DPP6: variants seen among roughly 807,000 people sequenced by gnomAD.
DPP6 encodes dipeptidyl peptidase like 6.
Under a neutral mutation model 122.6 loss-of-function variants are expected in DPP6, and 69 were observed. That is an observed-to-expected ratio of 0.56 (90% CI 0.46 to 0.69). DPP6 has a LOEUF of 0.69. DPP6 is among the 30% of genes least tolerant of loss of function. DPP6 has a pLI of 0.00. For missense variants in DPP6, 928 were observed against 1,116.9 expected (o/e 0.83, Z 2.41); for synonymous variants, 418 against 433.1 (o/e 0.97, Z 0.43).
intron 1 of DPP6, among the ~76,000 whole-genome samples, chr7:154,012,690 C>T (rs771470695): frequency 8.5e-5 from 13 of 152,124 alleles, no homozygotes; most frequent in Admixed American, 2.6e-4. Context: ...TTGAACAGTT[C>T]ACAATGGCTG....
chr7:154,122,179 A>G (rs1467088780), intron 1 of DPP6, among the ~76,000 whole-genome samples: 1 of 152,196 alleles, frequency 6.6e-6, no homozygotes, highest in Non-Finnish European at 1.5e-5. Context: ...GGGAGCCCAA[A>G]GTTATGAAAT....
chr7:154,456,476 A>C (rs1307578521), intron 2 of DPP6, among the ~76,000 whole-genome samples: 1 of 152,092 alleles, frequency 6.6e-6, no homozygotes, highest in Non-Finnish European at 1.5e-5. Flanking sequence ...ATGTATGATC[A>C]TTGCAGCCTC....
intron 3 of DPP6, among the ~76,000 whole-genome samples, chr7:154,484,233 C>T (rs1823595948): frequency 6.6e-6 from 1 of 152,172 alleles, no homozygotes; most frequent in Admixed American, 6.5e-5. Flanking sequence ...GCTTTCCACC[C>T]TCTCCTCACC....
At chr7:153,919,618 C>T (rs188888755) in intron 1 of DPP6, among the ~76,000 whole-genome samples, 1 of 152,126 alleles carries the variant, frequency 6.6e-6, no homozygotes, top group African/African-American at 2.4e-5. Context: ...AATACAAACT[C>T]AGGTGGATGA....
rs1168595223 is a variant in DPP6, at chr7:154,061,910, C to A, written c.243+8847C>A. 3.9e-4 allele frequency among the ~76,000 whole-genome samples: 52 copies of A among 132,032 alleles called. 2 individuals carry two copies. Among genetic ancestry groups the A allele is most frequent in the African/African-American group, 1.1e-3 (40 of 35,300 alleles). The allele number at this position is 132,032 out of a possible 152,430, so 86.6% of individuals were successfully genotyped here. ...ACTGAGAGGCAATCCCTCTTCCCCC[C>A]CTGGCTCTGAGGACCCCCATCGCAG... On this transcript the variant is annotated intron_variant, in intron 1 of 25. Coordinates refer to ENST00000377770, the MANE Select transcript of DPP6 (RefSeq NM_130797.4).
At chr7:153,855,445 C>A in the DPP6 span, among the ~76,000 whole-genome samples, 2 of 151,874 alleles carry the variant, frequency 1.3e-5, no homozygotes, top group South Asian at 2.1e-4. Context: ...TAAAATAATC[C>A]ACTGCGTGAA....
At chr7:154,482,613 GA>G (rs1321111676) in intron 3 of DPP6, among the ~76,000 whole-genome samples, 2 of 152,118 alleles carry the variant, frequency 1.3e-5, no homozygotes, top group Non-Finnish European at 2.9e-5. Flanking sequence ...TATTAAGTAG[GA>G]AAATATTCAT....
intron 1 of DPP6, among the ~76,000 whole-genome samples, chr7:154,121,857 T>A (rs1017699092): frequency 6.6e-6 from 1 of 152,012 alleles, no homozygotes. Context: ...ACAAAAATTC[T>A]TTTTTTTCTT....
At chr7:154,412,231 A>G (rs1422695772) in intron 1 of DPP6, among the ~76,000 whole-genome samples, 1 of 152,134 alleles carries the variant, frequency 6.6e-6, no homozygotes, top group Non-Finnish European at 1.5e-5. Flanking sequence ...GTGGGAAACA[A>G]AAACATTTGC....
In DPP6 at chr7:154,077,484, C is replaced by T. The variant is rs1350882990; in HGVS notation, c.243+24421C>T. ...AAAACTGGGATGTGGGGCACCTACACTTCTCACCGTGCAGGATCTCTACCC... is the reference window on the plus strand; with the variant it reads ...AAAACTGGGATGTGGGGCACCTACATTTCTCACCGTGCAGGATCTCTACCC... On this transcript the variant is annotated intron_variant, in intron 1 of 25. Coordinates refer to ENST00000377770, the MANE Select transcript of DPP6 (RefSeq NM_130797.4). Among the ~76,000 whole-genome samples the T allele has an allele frequency of 2.0e-5, 3 of 152,122 alleles. No individual in the cohort carries two copies. The South Asian group carries it at 6.2e-4, about 31-fold the overall frequency.
intron 1 of DPP6, among the ~76,000 whole-genome samples, chr7:153,900,423 A>G (rs1247385303): frequency 1.3e-5 from 2 of 152,170 alleles, no homozygotes; most frequent in Non-Finnish European, 2.9e-5. Flanking sequence ...CAAGCTGTAC[A>G]AGAAGCACAG....
the DPP6 span, among the ~76,000 whole-genome samples, chr7:153,868,500 A>C: frequency 6.6e-6 from 1 of 151,606 alleles, no homozygotes. Context: ...TGGTGATATA[A>C]CCTTTGTCAT....
intron 6 of DPP6, among the ~76,000 whole-genome samples, chr7:154,665,261 T>C (rs899152205): frequency 2.0e-5 from 3 of 152,236 alleles, no homozygotes; most frequent in Non-Finnish European, 4.4e-5. Flanking sequence ...TCCAGTGATG[T>C]TGGCCTTGGT....
intron 1 of DPP6, among the ~76,000 whole-genome samples, chr7:154,152,587 G>T (rs1796478348): frequency 6.6e-6 from 1 of 152,198 alleles, no homozygotes; most frequent in South Asian, 2.1e-4. Context: ...TCCATTTTGG[G>T]ATTAGAACAT....
chr7:154,182,845 T>C (rs1798163033), intron 1 of DPP6, among the ~76,000 whole-genome samples: 1 of 152,102 alleles, frequency 6.6e-6, no homozygotes, highest in South Asian at 2.1e-4. Flanking sequence ...AGGCACTGCT[T>C]TCCCTTGCCC....
chr7:153,768,368 G>T, the DPP6 span, among the ~76,000 whole-genome samples: 7 of 152,042 alleles, frequency 4.6e-5, no homozygotes, highest in Non-Finnish European at 7.4e-5. Context: ...AAGTGCATTT[G>T]TAAGGAGAAC....
intron 8 of DPP6, among the ~76,000 whole-genome samples, chr7:154,763,869 C>G (rs1226864349): frequency 6.6e-6 from 1 of 152,184 alleles, no homozygotes; most frequent in Non-Finnish European, 1.5e-5. Context: ...GCCAAGGAGA[C>G]TTTAAGTCTG....
intron 1 of DPP6, among the ~76,000 whole-genome samples, chr7:154,330,206 A>G (rs1456055531): frequency 6.6e-6 from 1 of 152,244 alleles, no homozygotes; most frequent in East Asian, 1.9e-4. Context: ...AAATTTTTAA[A>G]CATGTGGCTG....
intron 1 of DPP6, among the ~76,000 whole-genome samples, chr7:154,442,067 A>C (rs1380233202): frequency 1.3e-5 from 2 of 152,180 alleles, no homozygotes; most frequent in Non-Finnish European, 2.9e-5. Context: ...TCATTCACGC[A>C]ACTGGGCTTG....
Sources: allele counts gnomAD v4.1 joint callset (sites outside exome capture counted in the v4.1 genomes callset), GRCh38; gene constraint gnomAD v4.1.1; transcripts MANE v1.5; gene names NCBI Gene and HGNC (gene_info 2026-07-23, HGNC 2026-07-21).